CAPN1: variants seen among roughly 807,000 people sequenced by gnomAD.
The protein encoded by CAPN1 is calpain 1.
Under a neutral mutation model 105.2 loss-of-function variants are expected in CAPN1, and 77 were observed. The observed-to-expected ratio is 0.73, with a 90% CI of 0.61 to 0.88. The LOEUF (loss-of-function observed/expected upper bound fraction) is 0.88. Among genes scored for constraint, CAPN1 ranks in the 40% least tolerant of loss-of-function variants. The probability of loss-of-function intolerance (pLI) is 0.00; values close to 1 mark genes in which losing one functional copy is unlikely to be tolerated. For missense variants in CAPN1, 833 were observed against 976.6 expected, an observed-to-expected ratio of 0.85 and a Z score of 1.96; for synonymous variants, 355 against 388.8, an observed-to-expected ratio of 0.91 and a Z score of 1.02.
intron 12 of CAPN1, 52 bp downstream of exon 12, chr11:65,205,773 G>A: frequency 4.4e-6 from 7 of 1,584,266 alleles, no homozygotes; most frequent in Non-Finnish European, 6.1e-6. Flanking sequence ...GATGGTGCCA[G>A]AGGGGAGCAA....
intron 3 of CAPN1, 132 bp downstream of exon 3, chr11:65,183,329 T>A (rs1292872199): frequency 2.9e-5 from 33 of 1,128,998 alleles, no homozygotes; most frequent in Non-Finnish European, 4.4e-5. Context: ...CTGGGGCTGG[T>A]TTGCCCAGAT....
chr11:65,195,704 C>T (rs17884154), intron 10 of CAPN1, among the ~76,000 whole-genome samples: 109,656 of 151,894 alleles, frequency 0.72, 40,707 homozygotes, highest in Middle Eastern at 0.86. Flanking sequence ...AATCTTCTTT[C>T]CTTGTGGTGT....
chr11:65,181,622 C>T (rs1049315346), upstream of CAPN1: 2 of 404,488 alleles, frequency 4.9e-6, no homozygotes, highest in Non-Finnish European at 9.8e-6. The surrounding 1 kb of genome is among the most constrained non-coding windows in gnomAD (Gnocchi z 4.6). Context: ...TACCCCCTGC[C>T]CGGCCCTCCC....
rs1222207850 is a variant in CAPN1 at position 65,211,253 on chromosome 11, C to T, written c.2119-7C>T. The T allele has an allele frequency of 4.3e-6, 7 of 1,612,758 alleles. No individual in the cohort carries two copies. The highest frequency in any genetic ancestry group is 5.9e-6 in the Non-Finnish European group (7 of 1,179,762). ...CGGCCCCAGCTGACCTGCCTGTTCT[C>T]CCGCAGTGGTTGCAGCTGACCATGT... On this transcript the variant is annotated splice_region_variant and splice_polypyrimidine_tract_variant and intron_variant, in intron 21 of 21. Transcript: ENST00000279247.
At chr11:65,192,059 C>T (rs576508642) in intron 10 of CAPN1, among the ~76,000 whole-genome samples, 6 of 151,998 alleles carry the variant, frequency 3.9e-5, no homozygotes, top group African/African-American at 9.7e-5. Flanking sequence ...TACAGTGAGA[C>T]CTCATCTCTA....
upstream of CAPN1, chr11:65,181,696 C>T (rs973586881): frequency 6.5e-6 from 2 of 308,652 alleles, no homozygotes; most frequent in African/African-American, 2.3e-5. The surrounding 1 kb of genome is among the most constrained non-coding windows in gnomAD (Gnocchi z 4.6). Flanking sequence ...CGCGCTGGCC[C>T]CTCCCCGGGG....
At position 65,185,917 on chromosome 11, in the gene CAPN1, C is replaced by G. The variant is rs574685283; in HGVS notation, c.457C>G (p.Leu153Val). Residue 153 changes from leucine to valine, a missense_variant and splice_region_variant, in exon 5 of 22, where the codon CTG (leucine) becomes GTG (valine). Leu to Val is a conservative substitution (Grantham distance 32). Coordinates refer to ENST00000279247, the MANE Select transcript of CAPN1 (RefSeq NM_005186.4). Reference sequence around the variant, plus strand: ...TACTCACCGTGCCCCTCCCCCACAGCTGTGGCAATTTGGGGAGTGGGTGGA... The same window carrying G: ...TACTCACCGTGCCCCTCCCCCACAGGTGTGGCAATTTGGGGAGTGGGTGGA... ...NGYAGIFHFQLWQFGEWVDVV... is the reference protein window; with the variant it reads ...NGYAGIFHFQVWQFGEWVDVV... The G allele has an allele frequency of 1.3e-6, 2 of 1,580,084 alleles. No homozygotes were observed. The highest frequency in any genetic ancestry group is 2.3e-5 in the South Asian group (2 of 86,360).
In CAPN1 at chr11:65,188,144, C is replaced by T. The variant is rs761524368; in HGVS notation, c.929+104C>T. On this transcript the variant is annotated intron_variant, in intron 8 of 21. Transcript: ENST00000279247. This position sits in a 1 kb window ranked among gnomAD's most constrained non-coding sequence, Gnocchi z 5.5. ...AGGCCAGGCTGGACTCAGGATTGAG[C>T]AGAGGGGCCCATCTTCGCGCGACTG... The T allele has an allele frequency of 7.3e-5, 62 of 844,754 alleles. No homozygotes were observed. The highest frequency in any genetic ancestry group is 1.1e-4 in the Non-Finnish European group (60 of 542,268). The allele number at this position is 844,754 out of a possible 1,614,324, so 52.3% of individuals were successfully genotyped here.
intron 10 of CAPN1, among the ~76,000 whole-genome samples, chr11:65,191,662 CA>C (rs1159446359): frequency 1.3e-5 from 2 of 152,192 alleles, no homozygotes; most frequent in Non-Finnish European, 2.9e-5. Context: ...TACAGTGAGC[CA>C]CTGCGTCCAG....
At chr11:65,184,496 C>T (rs1414099763) in intron 4 of CAPN1, among the ~76,000 whole-genome samples, 1 of 150,994 alleles carries the variant, frequency 6.6e-6, no homozygotes, top group Admixed American at 6.6e-5. Flanking sequence ...CCCCGTTGTC[C>T]TGGCCCCGAC....
intron 1 of CAPN1, 63 bp from the exon 2 acceptor site, chr11:65,182,638 G>T: frequency 6.9e-7 from 1 of 1,443,798 alleles, no homozygotes; most frequent in Non-Finnish European, 9.1e-7. Flanking sequence ...GAGCTTGCAG[G>T]CAGGAGCCCA....
At chr11:65,187,722 A>C (rs1007896226) in intron 7 of CAPN1, 6 of 470,072 alleles carry the variant, frequency 1.3e-5, no homozygotes, top group African/African-American at 1.2e-4. Context: ...CTCTGTCTCT[A>C]CTAAAAATAC....
intron 10 of CAPN1, among the ~76,000 whole-genome samples, chr11:65,198,249 TC>T (rs1463871841): frequency 1.3e-5 from 2 of 151,858 alleles, no homozygotes; most frequent in Non-Finnish European, 2.9e-5. Context: ...CAAGCCATCC[TC>T]CCACCTGAGC....
chr11:65,208,172 C>T lies in CAPN1; in HGVS notation c.1672-33C>T. 3 of 1,590,076 alleles carry T rather than the reference C, an allele frequency of 1.9e-6. No individual in the cohort carries two copies. In the South Asian group the frequency reaches 3.4e-5, roughly 18 times the overall value. On this transcript the variant is annotated intron_variant, in intron 15 of 21. Coordinates refer to ENST00000279247, the MANE Select transcript of CAPN1 (RefSeq NM_005186.4). The surrounding 1 kb of genome is among the most constrained non-coding windows in gnomAD (Gnocchi z 4.1). ...GGGGCCTGTGAGGGGCAGCCCTCTC[C>T]TGGGGCAGGTGCCACCTCCTCTCTC...
Position 65,209,878 on chromosome 11 carries a change from G to A in CAPN1, c.1824G>A (p.Val608=). The change falls in exon 18 of 22, where the codon GTG becomes GTA. Residue 608 remains valine, a synonymous_variant. Coordinates refer to ENST00000279247, the MANE Select transcript of CAPN1 (RefSeq NM_005186.4). This position sits in a 1 kb window ranked among gnomAD's most constrained non-coding sequence, Gnocchi z 4.1. ...DRDGNGKLGL[V]EFNILWNRIR... ...ATGGCAATGGGAAGCTGGGCCTGGT[G>A]GAGTTCAACATCCTGTGGAACCGCA... 6.2e-7 allele frequency: 1 copy of A among 1,613,768 alleles called. No individual in the cohort carries two copies. Among genetic ancestry groups the A allele is most frequent in the Non-Finnish European group, 8.5e-7 (1 of 1,179,864 alleles).
intron 4 of CAPN1, 178 bp downstream of exon 4, chr11:65,183,770 T>C: frequency 1.7e-6 from 1 of 579,252 alleles, no homozygotes; most frequent in Non-Finnish European, 3.1e-6. Context: ...TGGGCAGGTA[T>C]TTCGGCTGGC....
chr11:65,200,932 C>CTTTTTTTTT lies in CAPN1; in HGVS notation c.1166-3729_1166-3721dup, dbSNP rs56897147. ...TACAGATCCATGCCACCATGCCTGGCTTTTTTTTTTTTTTTTTTTTTTTTT... is the reference window on the plus strand; with the variant it reads ...TACAGATCCATGCCACCATGCCTGGCTTTTTTTTTTTTTTTTTTTTTTTTTTTTTTTTTT... On this transcript the variant is annotated intron_variant, in intron 10 of 21. Transcript: ENST00000279247. Among the ~76,000 whole-genome samples, 4 of 49,458 alleles carry CTTTTTTTTT rather than the reference C, an allele frequency of 8.1e-5. 1 individual carries two copies. The highest frequency in any genetic ancestry group is 2.2e-4 in the African/African-American group (3 of 13,824). 32.4% of individuals were successfully genotyped at this position (49,458 alleles called of 152,430 possible).
In CAPN1 at chr11:65,210,357, T is replaced by C. The variant is rs768214002; in HGVS notation, c.1964T>C (p.Leu655Pro). Reference sequence around the variant, plus strand: ...CCAGGCTTCAAGCTCAACAAGAAGCTGTACGAGCTCATCATCACCCGCTAC... The same window carrying C: ...CCAGGCTTCAAGCTCAACAAGAAGCCGTACGAGCTCATCATCACCCGCTAC... Reference protein sequence around the residue: ...ESAGFKLNKKLYELIITRYSE... With the variant: ...ESAGFKLNKKPYELIITRYSE... The change falls in exon 20 of 22, where the codon CTG becomes CCG. Residue 655 changes from leucine to proline, a missense_variant. Physicochemically the swap from Leu to Pro is moderately conservative, Grantham distance 98. Coordinates refer to ENST00000279247, the MANE Select transcript of CAPN1 (RefSeq NM_005186.4). This position sits in a 1 kb window ranked among gnomAD's most constrained non-coding sequence, Gnocchi z 4.3. The C allele has an allele frequency of 6.2e-7, 1 of 1,612,770 alleles. No homozygotes were observed. The highest frequency in any genetic ancestry group is 8.5e-7 in the Non-Finnish European group (1 of 1,179,246).
At chr11:65,183,803 T>C in intron 4 of CAPN1, 1 of 563,884 alleles carries the variant, frequency 1.8e-6, no homozygotes, top group Non-Finnish European at 3.2e-6. Context: ...TGGTTGTATG[T>C]ATCAGGTGGA....
Sources: allele counts gnomAD v4.1 joint callset (sites outside exome capture counted in the v4.1 genomes callset), GRCh38; gene constraint gnomAD v4.1.1; non-coding constraint Gnocchi (gnomAD v3.1); transcripts MANE v1.5; gene names NCBI Gene and HGNC (gene_info 2026-07-23, HGNC 2026-07-21).